RPS6KA2: variants seen among roughly 807,000 people sequenced by gnomAD.
The protein encoded by RPS6KA2 is ribosomal protein S6 kinase alpha-2.
RPS6KA2 carries 42 observed loss-of-function variants against 91.8 expected under a neutral mutation model. That is an observed-to-expected ratio of 0.46 (90% CI 0.36 to 0.59). The LOEUF is 0.59. Ranked by LOEUF, RPS6KA2 falls within the 20% of genes least tolerant of loss-of-function variation. The pLI is 0.00. For missense variants in RPS6KA2, 798 were observed against 978.5 expected (o/e 0.82, Z 2.46); for synonymous variants, 414 against 393.6 (o/e 1.05, Z -0.61).
chr6:166,769,339 T>C (rs1317272576), intron 2 of RPS6KA2, among the ~76,000 whole-genome samples: 6 of 152,222 alleles, frequency 3.9e-5, no homozygotes, highest in Non-Finnish European at 8.8e-5. Flanking sequence ...GAATCACCAA[T>C]TACAGCTTGA....
At chr6:166,458,145 G>C (rs373559943) in intron 12 of RPS6KA2, among the ~76,000 whole-genome samples, 4 of 152,296 alleles carry the variant, frequency 2.6e-5, no homozygotes, top group East Asian at 1.9e-4. Flanking sequence ...CCTTGATATG[G>C]TTCAGCTTTG....
intron 2 of RPS6KA2, among the ~76,000 whole-genome samples, chr6:166,695,036 T>C (rs1033575217): frequency 6.6e-6 from 1 of 152,210 alleles, no homozygotes; most frequent in Non-Finnish European, 1.5e-5. Flanking sequence ...AGAGATGCTA[T>C]CCTGGCCACC....
Position 166,770,210 on chromosome 6 carries a change from G to A in RPS6KA2, c.123+87990C>T, listed in dbSNP as rs752514682. On this transcript the variant is annotated intron_variant, in intron 2 of 21. Transcript: ENST00000503859. The surrounding 1 kb of genome is among the most constrained non-coding windows in gnomAD (Gnocchi z 5.1). ...ACTTACTACATTTCACCTGAGTGTT[G>A]CAGCCCAAAGCATTGAAAACAGCTA... 4.6e-5 allele frequency among the ~76,000 whole-genome samples: 7 copies of A among 152,290 alleles called. No individual in the cohort carries two copies. The highest frequency in any genetic ancestry group is 7.3e-5 in the Non-Finnish European group (5 of 68,032).
chr6:166,701,822 C>T lies in RPS6KA2; in HGVS notation c.123+156378G>A, dbSNP rs547221250. Reference sequence around the variant, plus strand: ...CATGATCTCTTCCTCAGCTTTGGCACATGTCTCAACATTGCCTTTAGCTGT... The same window carrying T: ...CATGATCTCTTCCTCAGCTTTGGCATATGTCTCAACATTGCCTTTAGCTGT... On this transcript the variant is annotated intron_variant, in intron 2 of 21. Coordinates refer to the RPS6KA2 transcript ENST00000503859. 30 of 896,298 alleles carry T rather than the reference C, an allele frequency of 3.3e-5. No homozygotes were observed. In the East Asian group the frequency reaches 7.7e-4, roughly 23 times the overall value. 55.5% of individuals were successfully genotyped at this position (896,298 alleles called of 1,614,324 possible). A position where few individuals can be genotyped will look rare whatever the true frequency, so the allele number is the denominator to read the frequency against.
chr6:166,522,821 C>T (rs951816859), intron 3 of RPS6KA2, among the ~76,000 whole-genome samples: 1 of 152,172 alleles, frequency 6.6e-6, no homozygotes, highest in African/African-American at 2.4e-5. Flanking sequence ...AATTACTCCA[C>T]ACATAAAGGA....
intron 1 of RPS6KA2, among the ~76,000 whole-genome samples, chr6:166,565,574 C>T (rs1175319810): frequency 6.6e-6 from 1 of 151,534 alleles, no homozygotes; most frequent in Non-Finnish European, 1.5e-5. Flanking sequence ...GTGACCGCCT[C>T]ACTTGCAGCC....
intron 2 of RPS6KA2, among the ~76,000 whole-genome samples, chr6:166,772,901 T>A (rs1353004535): frequency 1.3e-5 from 2 of 152,182 alleles, no homozygotes; most frequent in African/African-American, 4.8e-5. Flanking sequence ...TGTTGTTAAC[T>A]CCCCTGAATT....
Position 166,626,992 on chromosome 6 carries a change from C to A in RPS6KA2, c.28G>T (p.Val10Leu). The A allele has an allele frequency of 6.5e-7, 1 of 1,550,272 alleles. No individual in the cohort carries two copies. The highest frequency in any genetic ancestry group is 8.7e-7 in the Non-Finnish European group (1 of 1,146,852). The change falls in exon 1 of 21, where the codon GTG (valine) becomes TTG (leucine). Residue 10 changes from valine (V) to leucine (L), a missense_variant. Val to Leu is a conservative substitution (Grantham distance 32). Coordinates refer to ENST00000265678, the MANE Select transcript of RPS6KA2 (RefSeq NM_021135.6). This position sits in a 1 kb window ranked among gnomAD's most constrained non-coding sequence, Gnocchi z 4.1. MDLSMKKFA[V>L]RRFFSVYLRR... is the part of the protein sequence containing the mutation. ...AGGTACACAGAGAAGAACCTGCGCA[C>A]GGCGAACTTCTTCATGCTCAGGTCC... is the stretch of plus-strand genomic sequence containing the variant.
intron 1 of RPS6KA2, among the ~76,000 whole-genome samples, chr6:166,555,483 C>T (rs1170540830): frequency 6.6e-6 from 1 of 152,200 alleles, no homozygotes; most frequent in African/African-American, 2.4e-5. Flanking sequence ...CCCACGAAGT[C>T]ACCCTGTACT....
chr6:166,697,648 G>C (rs1343136022), intron 2 of RPS6KA2, among the ~76,000 whole-genome samples: 1 of 152,222 alleles, frequency 6.6e-6, no homozygotes, highest in East Asian at 1.9e-4. Flanking sequence ...GTGGAGCAGA[G>C]CTTCCACACC....
Position 166,492,270 on chromosome 6 carries a change from G to C in RPS6KA2, c.748-1529C>G, listed in dbSNP as rs527803971. On this transcript the variant is annotated intron_variant, in intron 8 of 20. Transcript: ENST00000265678. ...TAAGTGAGGGAACTCAGAGCAGACAGGCTGCAGGCAATCAATCAATACAAA... is the reference window on the plus strand; with the variant it reads ...TAAGTGAGGGAACTCAGAGCAGACACGCTGCAGGCAATCAATCAATACAAA... Among the ~76,000 whole-genome samples, 3 of 152,258 alleles carry C rather than the reference G, an allele frequency of 2.0e-5. No homozygotes were observed. In the East Asian group the frequency reaches 5.8e-4, roughly 29 times the overall value.
chr6:166,780,937 G>A (rs1003962510), intron 2 of RPS6KA2, among the ~76,000 whole-genome samples: 2 of 152,160 alleles, frequency 1.3e-5, no homozygotes, highest in Non-Finnish European at 2.9e-5. Flanking sequence ...CTGCAATCAA[G>A]TTCATCACAA....
rs754822784 is a variant in RPS6KA2 at position 166,635,235 on chromosome 6, A to G, written c.124-96451T>C. Among the ~76,000 whole-genome samples, 3 of 152,198 alleles carry G rather than the reference A, an allele frequency of 2.0e-5. No homozygotes were observed. The highest frequency in any genetic ancestry group is 2.9e-5 in the Non-Finnish European group (2 of 68,036). ...GGAGCCCAGTGTCATTCATCAACCC[A>G]GGTCCTCTGCGCATCTACTGTGCCT... On this transcript the variant is annotated intron_variant, in intron 2 of 21. Transcript: ENST00000503859. This position sits in a 1 kb window ranked among gnomAD's most constrained non-coding sequence, Gnocchi z 4.8.
chr6:166,511,991 A>G (rs953632979), intron 3 of RPS6KA2, among the ~76,000 whole-genome samples: 1 of 152,196 alleles, frequency 6.6e-6, no homozygotes, highest in Non-Finnish European at 1.5e-5. Flanking sequence ...GGGTTCATCC[A>G]CCCATGTTCA....
chr6:166,534,389 C>T (rs1036279440), intron 2 of RPS6KA2, among the ~76,000 whole-genome samples: 2 of 151,902 alleles, frequency 1.3e-5, no homozygotes, highest in African/African-American at 4.8e-5. Flanking sequence ...ATGGGAGGAC[C>T]CTGAAGAAAA....
At chr6:166,436,002 T>C (rs1046398190) in intron 14 of RPS6KA2, among the ~76,000 whole-genome samples, 2 of 152,194 alleles carry the variant, frequency 1.3e-5, no homozygotes, top group Admixed American at 1.3e-4. Flanking sequence ...TCTTCATCTG[T>C]AAAACTAGAA....
chr6:166,474,150 G>A (rs1348874969), intron 10 of RPS6KA2, among the ~76,000 whole-genome samples: 2 of 152,104 alleles, frequency 1.3e-5, no homozygotes, highest in East Asian at 1.9e-4. Context: ...TTGTGAGGGT[G>A]GGGCTGCCTG....
intron 1 of RPS6KA2, among the ~76,000 whole-genome samples, chr6:166,580,531 A>G (rs190434504): frequency 2.0e-5 from 3 of 152,358 alleles, no homozygotes; most frequent in Admixed American, 2.0e-4. Flanking sequence ...GAAAGTTTAC[A>G]AATTTGTGTT....
chr6:166,598,682 G>T (rs910036588), intron 1 of RPS6KA2, among the ~76,000 whole-genome samples: 1 of 152,194 alleles, frequency 6.6e-6, no homozygotes, highest in Non-Finnish European at 1.5e-5. Flanking sequence ...TTCCCGTTGC[G>T]TCAGGAATAG....
Sources: gnomAD v4.1 joint callset for allele counts (sites outside exome capture counted in the v4.1 genomes callset) on GRCh38, gnomAD v4.1.1 for gene constraint, Gnocchi (gnomAD v3.1) non-coding constraint, MANE v1.5 for transcripts, NCBI Gene and HGNC (gene_info 2026-07-23, HGNC 2026-07-21) for gene names.